The following ALS2 variants were observed in gnomAD, a reference collection of about 807,000 sequenced individuals.
ALS2 encodes the protein alsin Rho guanine nucleotide exchange factor ALS2.
ALS2 carries 117 observed loss-of-function variants against 203.4 expected under a neutral mutation model. That is an observed-to-expected ratio of 0.58 (90% CI 0.50 to 0.67). The LOEUF (loss-of-function observed/expected upper bound fraction) is 0.67, where lower values mean the gene tolerates loss of function less well. Among genes scored for constraint, ALS2 ranks in the 30% least tolerant of loss-of-function variants. ALS2 has a pLI of 0.00. For missense variants in ALS2, 1,715 were observed against 1,989.4 expected (o/e 0.86, Z 2.62); for synonymous variants, 718 against 725.9 (o/e 0.99, Z 0.17).
intron 9 of ALS2, 35 bp downstream of exon 9, chr2:201,746,531 C>G: frequency 6.2e-7 from 1 of 1,610,472 alleles, no homozygotes; most frequent in East Asian, 2.2e-5. Context: ...TTATGTGTTA[C>G]TGAATGTGGG....
intron 13 of ALS2, among the ~76,000 whole-genome samples, chr2:201,732,728 T>A (rs1691652102): frequency 1.3e-5 from 2 of 152,208 alleles, no homozygotes; most frequent in Non-Finnish European, 2.9e-5. Flanking sequence ...CATACATCTA[T>A]ATCCTAGTGT....
chr2:201,757,853 G>T (rs940380586), intron 4 of ALS2, 94 bp from the exon 5 acceptor site: 20 of 971,680 alleles, frequency 2.1e-5, no homozygotes, highest in Admixed American at 7.9e-5. Context: ...ATCGCTATTT[G>T]CATGTAAGAA....
intron 25 of ALS2, among the ~76,000 whole-genome samples, chr2:201,712,916 T>G (rs531008209): frequency 2.6e-5 from 4 of 152,178 alleles, no homozygotes; most frequent in Non-Finnish European, 5.9e-5. Flanking sequence ...TCATTTGAAT[T>G]GCTGATTTCC....
Position 201,772,653 on chromosome 2 carries a change from G to T in ALS2, c.-60-3708C>A, listed in dbSNP as rs966167353. 7.9e-5 allele frequency among the ~76,000 whole-genome samples: 12 copies of T among 152,040 alleles called. 1 individual carries two copies. Among genetic ancestry groups the T allele is most frequent in the African/African-American group, 2.9e-4 (12 of 41,388 alleles). ...AAATCTGAATTCCAAAATGCACCTT[G>T]CCCCAAGGGTTTTGAATAAAGGACC... On this transcript the variant is annotated intron_variant, in intron 1 of 33. Coordinates refer to ENST00000264276, the MANE Select transcript of ALS2 (RefSeq NM_020919.4).
Position 201,744,247 on chromosome 2 carries a change from T to C in ALS2, c.2170+11A>G, listed in dbSNP as rs757541768. ...TGGTTTAATGGTGGGAGAGAGGGGG[T>C]TGCAACTTACCTAAACTGAGAAGAG... is the stretch of plus-strand genomic sequence containing the variant. On this transcript the variant is annotated intron_variant, in intron 10 of 33. Transcript: ENST00000264276. The C allele has an allele frequency of 3.2e-5, 51 of 1,612,036 alleles. No homozygotes were observed. Among genetic ancestry groups the C allele is most frequent in the Non-Finnish European group, 4.2e-5 (50 of 1,178,462 alleles).
chr2:201,724,406 C>A lies in ALS2; in HGVS notation c.3401G>T (p.Gly1134Val), dbSNP rs760362811. The A allele has an allele frequency of 6.2e-7, 1 of 1,613,980 alleles. No individual in the cohort carries two copies. Among genetic ancestry groups the A allele is most frequent in the Non-Finnish European group, 8.5e-7 (1 of 1,179,908 alleles). ...TTTCCCACTTCGTAGAAGACCATGA[C>A]CATGACGCATATTATCTTGAAAACA... is the stretch of plus-strand genomic sequence containing the variant. ...EGCFQDNMRHGHGLLRSGKLT... is the reference protein window; with the variant it reads ...EGCFQDNMRHVHGLLRSGKLT... Residue 1134 changes from glycine to valine, a missense_variant, in exon 21 of 34, where the codon GGT becomes GTT. This residue lies in a region of ALS2 where 1,227 missense variants were observed against 1,413.5 expected (regional missense o/e 0.87). Coordinates refer to ENST00000264276, the MANE Select transcript of ALS2 (RefSeq NM_020919.4).
At chr2:201,725,654 A>AC (rs987192286) in intron 19 of ALS2, among the ~76,000 whole-genome samples, 200 bp from the exon 20 acceptor site, 1 of 152,200 alleles carries the variant, frequency 6.6e-6, no homozygotes, top group Non-Finnish European at 1.5e-5. Context: ...CATCAGCCCC[A>AC]CTACACTAAG....
rs753767112 is a variant in ALS2, at chr2:201,767,245, T to C, written c.159A>G (p.Gly53=). The change falls in exon 3 of 34, where the codon GGA becomes GGG. Residue 53 remains glycine (G), a synonymous_variant. Coordinates refer to ENST00000264276, the MANE Select transcript of ALS2 (RefSeq NM_020919.4). Reference sequence around the variant, plus strand: ...TTTCATTACCTTCAGTCAGAAGAACTCCATGTTTCACTCCGAGGGCTGCCT... The same window carrying C: ...TTTCATTACCTTCAGTCAGAAGAACCCCATGTTTCACTCCGAGGGCTGCCT... ...VLQAALGVKH[G]VLLTEDGEVY... 1.9e-6 allele frequency: 3 copies of C among 1,614,070 alleles called. No individual in the cohort carries two copies. Among genetic ancestry groups the C allele is most frequent in the Non-Finnish European group, 2.5e-6 (3 of 1,180,018 alleles).
At chr2:201,759,874 G>A (rs1407593465) in intron 4 of ALS2, 2 of 985,106 alleles carry the variant, frequency 2.0e-6, no homozygotes, top group Non-Finnish European at 2.4e-6. Flanking sequence ...TTTTGGTAAA[G>A]CAAAATCAAA....
intron 24 of ALS2, among the ~76,000 whole-genome samples, chr2:201,716,219 C>A (rs1690379779): frequency 6.6e-6 from 1 of 151,874 alleles, no homozygotes; most frequent in African/African-American, 2.4e-5. Context: ...ACCAGCCTGG[C>A]CAACATGGTG....
chr2:201,759,871 A>C, intron 4 of ALS2: 1 of 985,356 alleles, frequency 1.0e-6, no homozygotes, highest in Non-Finnish European at 1.2e-6. Flanking sequence ...CAGTTTTGGT[A>C]AAGCAAAATC....
intron 13 of ALS2, among the ~76,000 whole-genome samples, chr2:201,730,522 T>A (rs1238298518): frequency 6.6e-6 from 1 of 152,212 alleles, no homozygotes; most frequent in East Asian, 1.9e-4. Flanking sequence ...CAACAAATAC[T>A]ATCAGTTGTT....
chr2:201,725,869 A>G (rs1000145105), intron 19 of ALS2, among the ~76,000 whole-genome samples: 1 of 152,226 alleles, frequency 6.6e-6, no homozygotes, highest in Non-Finnish European at 1.5e-5. Flanking sequence ...AGATTTTAAC[A>G]CATCACAAGA....
At chr2:201,743,422 C>G (rs1430857996) in intron 10 of ALS2, among the ~76,000 whole-genome samples, 3 of 152,164 alleles carry the variant, frequency 2.0e-5, no homozygotes, top group Admixed American at 6.5e-5. Context: ...CACTTCCAAC[C>G]TCTTTGTAGC....
intron 33 of ALS2, 74 bp downstream of exon 33, chr2:201,704,048 T>TA: frequency 7.5e-7 from 1 of 1,339,204 alleles, no homozygotes; most frequent in Non-Finnish European, 1.1e-6. Flanking sequence ...AAAAAGTGGT[T>TA]AATGGCATTT....
chr2:201,724,404 G>T lies in ALS2; in HGVS notation c.3403C>A (p.His1135Asn). 1 of 1,613,918 alleles carries T rather than the reference G, an allele frequency of 6.2e-7. No individual in the cohort carries two copies. Among genetic ancestry groups the T allele is most frequent in the South Asian group, 1.1e-5 (1 of 91,060 alleles). ...GCFQDNMRHG[H>N]GLLRSGKLTS... ...AATTTCCCACTTCGTAGAAGACCAT[G>T]ACCATGACGCATATTATCTTGAAAA... Residue 1135 changes from histidine (H) to asparagine (N), a missense_variant, in exon 21 of 34, where the codon CAT becomes AAT. His to Asn is a moderately conservative substitution (Grantham distance 68). Coordinates refer to ENST00000264276, the MANE Select transcript of ALS2 (RefSeq NM_020919.4).
intron 3 of ALS2, among the ~76,000 whole-genome samples, chr2:201,764,997 C>CT (rs572984053): frequency 0.018 from 2,576 of 145,190 alleles, 26 homozygotes; most frequent in Middle Eastern, 0.032. Flanking sequence ...AGTCGAATAA[C>CT]TTTTTTTTTT....
At chr2:201,736,896 C>T (rs1288524264) in intron 12 of ALS2, among the ~76,000 whole-genome samples, 2 of 152,218 alleles carry the variant, frequency 1.3e-5, no homozygotes, top group Admixed American at 6.5e-5. Context: ...AAGACCTGAA[C>T]ATACCTATTC....
chr2:201,772,812 C>G (rs775308127), intron 1 of ALS2, among the ~76,000 whole-genome samples: 1 of 147,470 alleles, frequency 6.8e-6, no homozygotes, highest in Non-Finnish European at 1.5e-5. Context: ...TGGGGAGTTG[C>G]ATTGCTTCCA....
Sources: gnomAD v4.1 joint callset for allele counts (sites outside exome capture counted in the v4.1 genomes callset) on GRCh38, gnomAD v4.1.1 for gene constraint, gnomAD v4.1.1 regional missense constraint, MANE v1.5 for transcripts, NCBI Gene and HGNC (gene_info 2026-07-23, HGNC 2026-07-21) for gene names.